LINGO2: variants seen among roughly 807,000 people sequenced by gnomAD.
The protein encoded by LINGO2 is leucine rich repeat and Ig domain containing 2, also known as leucine-rich repeat and immunoglobulin-like domain-containing nogo receptor-interacting protein 2.
LINGO2 carries 14 observed loss-of-function variants against 30.6 expected under a neutral mutation model. The observed-to-expected ratio is 0.46, with a 90% confidence interval of 0.30 to 0.72. The LOEUF (loss-of-function observed/expected upper bound fraction) is 0.72. LINGO2 is among the 30% of genes least tolerant of loss of function. The probability of loss-of-function intolerance (pLI) is 0.07; values close to 1 mark genes in which losing one functional copy is unlikely to be tolerated. For synonymous variants in LINGO2, 317 were observed against 288.5 expected, an observed-to-expected ratio of 1.10 and a Z score of -1.00; for missense variants, 729 against 751.7, an observed-to-expected ratio of 0.97 and a Z score of 0.35.
At chr9:28,289,595 T>C (rs1823643762) in intron 4 of LINGO2, among the ~76,000 whole-genome samples, 2 of 152,210 alleles carry the variant, frequency 1.3e-5, no homozygotes, top group South Asian at 2.1e-4. Flanking sequence ...AATTGCATTA[T>C]CTTATCATTA....
chr9:28,570,215 C>G (rs1461455698), intron 1 of LINGO2, among the ~76,000 whole-genome samples: 1 of 151,878 alleles, frequency 6.6e-6, no homozygotes, highest in African/African-American at 2.4e-5. Context: ...ATTGACATTA[C>G]TTACTTACCA....
chr9:29,122,086 TTTCTC>T, the LINGO2 span, among the ~76,000 whole-genome samples: 2 of 151,782 alleles, frequency 1.3e-5, no homozygotes, highest in Non-Finnish European at 2.9e-5. Flanking sequence ...TAAAAATACT[TTTCTC>T]TTAAGCAAAA....
At chr9:27,960,203 A>G (rs1396513000) in intron 5 of LINGO2, among the ~76,000 whole-genome samples, 1 of 152,182 alleles carries the variant, frequency 6.6e-6, no homozygotes, top group Non-Finnish European at 1.5e-5. Context: ...TTTTAAAAAA[A>G]CAAGCTGTTA....
chr9:29,178,369 C>T, the LINGO2 span, among the ~76,000 whole-genome samples: 4 of 152,046 alleles, frequency 2.6e-5, no homozygotes, highest in African/African-American at 9.7e-5. Context: ...CTTATTCTCT[C>T]TTCATTGCTC....
chr9:28,209,967 C>T (rs2133854412), intron 4 of LINGO2, among the ~76,000 whole-genome samples: 1 of 151,780 alleles, frequency 6.6e-6, no homozygotes, highest in African/African-American at 2.4e-5. Context: ...TTTAGGGTTA[C>T]AAGTATAAAT....
At chr9:28,248,570 G>A (rs544262537) in intron 4 of LINGO2, among the ~76,000 whole-genome samples, 36 of 152,218 alleles carry the variant, frequency 2.4e-4, no homozygotes, top group African/African-American at 7.7e-4. Flanking sequence ...CAGGGGGACT[G>A]TAGTCAATAA....
At chr9:28,392,189 G>A (rs555949489) in intron 2 of LINGO2, among the ~76,000 whole-genome samples, 2 of 152,194 alleles carry the variant, frequency 1.3e-5, no homozygotes, top group Admixed American at 6.5e-5. Context: ...GTGACAGAGC[G>A]AGGCTCCATC....
chr9:29,039,193 T>G, the LINGO2 span, among the ~76,000 whole-genome samples: 1 of 152,096 alleles, frequency 6.6e-6, no homozygotes, highest in Non-Finnish European at 1.5e-5. Flanking sequence ...GAACAACAAT[T>G]GAAACACCCC....
intron 1 of LINGO2, among the ~76,000 whole-genome samples, chr9:28,476,477 G>A (rs376986833): frequency 4.6e-5 from 7 of 151,940 alleles, no homozygotes; most frequent in Admixed American, 2.6e-4. Flanking sequence ...GGGTTTCACC[G>A]TGTTAGCCAG....
chr9:28,053,348 G>T (rs80151250), intron 4 of LINGO2, among the ~76,000 whole-genome samples: 1 of 151,928 alleles, frequency 6.6e-6, no homozygotes, highest in South Asian at 2.1e-4. Context: ...GGAGAGAGTC[G>T]TAAGAGACAA....
the LINGO2 span, among the ~76,000 whole-genome samples, chr9:29,160,821 C>G: frequency 6.6e-6 from 1 of 152,210 alleles, no homozygotes; most frequent in Admixed American, 6.5e-5. Flanking sequence ...TATGCCGAGG[C>G]AGACATCCAG....
chr9:28,548,944 T>C (rs531159802), intron 1 of LINGO2, among the ~76,000 whole-genome samples: 1 of 152,062 alleles, frequency 6.6e-6, no homozygotes, highest in South Asian at 2.1e-4. Context: ...TGTAGAAAAG[T>C]TCAGAATATA....
At chr9:28,593,630 C>A (rs1238569150) in intron 1 of LINGO2, among the ~76,000 whole-genome samples, 1 of 151,992 alleles carries the variant, frequency 6.6e-6, no homozygotes, top group Non-Finnish European at 1.5e-5. Context: ...CTCTGCAAGC[C>A]AAGCCCCAAA....
chr9:28,707,004 A>T, the LINGO2 span, among the ~76,000 whole-genome samples: 1 of 152,084 alleles, frequency 6.6e-6, no homozygotes, highest in East Asian at 1.9e-4. Flanking sequence ...CTACTCCTGG[A>T]CTACATGTTC....
At chr9:28,199,337 TCTTCTTC>T (rs1344245898) in intron 4 of LINGO2, among the ~76,000 whole-genome samples, 1 of 136,570 alleles carries the variant, frequency 7.3e-6, no homozygotes, top group East Asian at 2.2e-4. Context: ...TTCTTCTTCT[TCTTCTTC>T]TTTTTTTTTT....
At chr9:28,531,432 C>G (rs925223328) in intron 1 of LINGO2, among the ~76,000 whole-genome samples, 1 of 152,016 alleles carries the variant, frequency 6.6e-6, no homozygotes, top group Non-Finnish European at 1.5e-5. Context: ...TTCCAAACAC[C>G]AGTATCCCTT....
At chr9:28,387,505 A>T (rs748847411) in intron 2 of LINGO2, among the ~76,000 whole-genome samples, 5 of 152,188 alleles carry the variant, frequency 3.3e-5, no homozygotes, top group Non-Finnish European at 7.3e-5. Flanking sequence ...TCCACGTTGT[A>T]GAAGCCTTTT....
chr9:29,072,892 T>C, the LINGO2 span, among the ~76,000 whole-genome samples: 1 of 151,694 alleles, frequency 6.6e-6, no homozygotes, highest in African/African-American at 2.4e-5. Flanking sequence ...ACATAGGGCA[T>C]GTGCTCCTGC....
the LINGO2 span, among the ~76,000 whole-genome samples, chr9:28,954,445 A>G: frequency 6.6e-6 from 1 of 152,130 alleles, no homozygotes; most frequent in Non-Finnish European, 1.5e-5. Flanking sequence ...CTACTTCATA[A>G]AGGACACTGT....
Sources: gnomAD v4.1 joint callset for allele counts (sites outside exome capture counted in the v4.1 genomes callset) on GRCh38, gnomAD v4.1.1 for gene constraint, MANE v1.5 for transcripts, NCBI Gene and HGNC (gene_info 2026-07-23, HGNC 2026-07-21) for gene names.